Variants in CADM1 observed in about 807,000 individuals in gnomAD.
CADM1 encodes cell adhesion molecule 1.
In CADM1, 15 loss-of-function variants were observed where a neutral mutation model predicts 53.1. The ratio of observed to expected loss-of-function variants is 0.28; its 90% CI spans 0.19 to 0.44. The LOEUF (loss-of-function observed/expected upper bound fraction) is 0.44, where lower values mean the gene tolerates loss of function less well. CADM1 is among the 20% of genes least tolerant of loss of function. The pLI is 1.00. For missense variants in CADM1, 434 were observed against 611.3 expected, an observed-to-expected ratio of 0.71 and a Z score of 3.06; for synonymous variants, 281 against 243.0, an observed-to-expected ratio of 1.16 and a Z score of -1.45.
intron 1 of CADM1, among the ~76,000 whole-genome samples, chr11:115,418,592 T>C (rs1386012352): frequency 6.6e-6 from 1 of 152,222 alleles, no homozygotes; most frequent in African/African-American, 2.4e-5. Context: ...AGTGTAACAC[T>C]TTAAACTGTT....
chr11:115,304,643 T>C (rs777754540), intron 1 of CADM1, among the ~76,000 whole-genome samples: 3 of 152,002 alleles, frequency 2.0e-5, no homozygotes, highest in Non-Finnish European at 4.4e-5. Flanking sequence ...CATCTTAGAA[T>C]TATCAAAGCA....
intron 1 of CADM1, among the ~76,000 whole-genome samples, chr11:115,404,346 A>AAAAT (rs1947251974): frequency 8.9e-5 from 3 of 33,782 alleles, no homozygotes; most frequent in African/African-American, 2.7e-4. Flanking sequence ...AAAAAAAAAA[A>AAAAT]ATATATATAT....
At chr11:115,375,225 C>A (rs1313222333) in intron 1 of CADM1, among the ~76,000 whole-genome samples, 1 of 152,108 alleles carries the variant, frequency 6.6e-6, no homozygotes, top group Non-Finnish European at 1.5e-5. Context: ...ACTATGCCCT[C>A]TGCTTTTGTG....
intron 10 of CADM1, 151 bp downstream of exon 10, chr11:115,190,737 G>A (rs774096716): frequency 1.1e-4 from 62 of 581,248 alleles, no homozygotes; most frequent in South Asian, 1.9e-4. Context: ...GTGGGTGACC[G>A]GGGAGGAAGA....
In CADM1 at chr11:115,174,266, ATT is replaced by A. The variant is rs10565366; in HGVS notation, c.*2206_*2207del. On this transcript the variant is annotated 3_prime_UTR_variant, in exon 12 of 12. Coordinates refer to ENST00000331581, the MANE Select transcript of CADM1 (RefSeq NM_001301043.2). ...TGCCAATTCTGTGAGCAATGGTGTGATTTTTTTTTTTTGTTTTTGTTTTTGTT... is the reference window on the plus strand; with the variant it reads ...TGCCAATTCTGTGAGCAATGGTGTGATTTTTTTTTTGTTTTTGTTTTTGTT... The A allele has an allele frequency of 5.5e-4, 501 of 903,388 alleles. No individual in the cohort carries two copies. Among genetic ancestry groups the A allele is most frequent in the African/African-American group, 1.5e-3 (83 of 53,872 alleles). The allele number at this position is 903,388 out of a possible 1,614,324, so 56.0% of individuals were successfully genotyped here.
intron 1 of CADM1, among the ~76,000 whole-genome samples, chr11:115,457,063 C>A (rs1335887815): frequency 6.6e-6 from 1 of 152,148 alleles, no homozygotes; most frequent in African/African-American, 2.4e-5. Context: ...TGAGTGCCTA[C>A]TAATTGCCAG....
chr11:115,470,006 C>T (rs1029303572), intron 1 of CADM1, among the ~76,000 whole-genome samples: 2 of 152,110 alleles, frequency 1.3e-5, no homozygotes, highest in Admixed American at 1.3e-4. Context: ...GCTTCCATGA[C>T]CTTGGTCATT....
At chr11:115,487,987 G>A (rs1452347382) in intron 1 of CADM1, among the ~76,000 whole-genome samples, 1 of 150,622 alleles carries the variant, frequency 6.6e-6, no homozygotes, top group African/African-American at 2.4e-5. Context: ...ATGATGGAAA[G>A]AAAGGTTAAT....
chr11:115,469,643 T>TA (rs1437867856), intron 1 of CADM1, among the ~76,000 whole-genome samples: 2 of 148,912 alleles, frequency 1.3e-5, no homozygotes, highest in Admixed American at 6.7e-5. Context: ...AACTTTTACA[T>TA]AACCATACTA....
At chr11:115,239,404 A>G (rs752397966) in intron 2 of CADM1, among the ~76,000 whole-genome samples, 5 of 152,212 alleles carry the variant, frequency 3.3e-5, no homozygotes, top group Non-Finnish European at 7.3e-5. Context: ...TTAAGCATTA[A>G]GCAGGAAATC....
intron 1 of CADM1, among the ~76,000 whole-genome samples, chr11:115,268,442 T>A (rs995945585): frequency 2.0e-5 from 3 of 152,136 alleles, no homozygotes; most frequent in Non-Finnish European, 4.4e-5. Flanking sequence ...AATCTCTATC[T>A]GCACTCTTCA....
intron 1 of CADM1, 41 bp from the exon 2 acceptor site, chr11:115,240,461 C>T (rs1565318814): frequency 6.2e-7 from 1 of 1,607,268 alleles, no homozygotes; most frequent in South Asian, 1.1e-5. Context: ...AAATTTCCAT[C>T]AATTAAAATG....
At position 115,328,678 on chromosome 11, in the gene CADM1, GTGTATATATATGTGTATATATA is replaced by G. The variant is rs1457251007; in HGVS notation, c.125-88280_125-88259del. ...ATACACACGCACACTATATATATAT[GTGTATATATATGTGTATATATA>G]TGTATATATATATGTGTATATATAT... On this transcript the variant is annotated intron_variant, in intron 1 of 11. Coordinates refer to ENST00000331581, the MANE Select transcript of CADM1 (RefSeq NM_001301043.2). 1.6e-4 allele frequency among the ~76,000 whole-genome samples: 3 copies of G among 19,146 alleles called. 1 individual carries two copies. The highest frequency in any genetic ancestry group is 3.6e-4 in the Non-Finnish European group (3 of 8,382). The allele number at this position is 19,146 out of a possible 152,430, so 12.6% of individuals were successfully genotyped here. A position where few individuals can be genotyped will look rare whatever the true frequency, so the allele number is the denominator to read the frequency against.
chr11:115,441,922 T>C (rs937594847), intron 1 of CADM1, among the ~76,000 whole-genome samples: 2 of 151,980 alleles, frequency 1.3e-5, no homozygotes, highest in East Asian at 3.9e-4. Context: ...ATGAGAACAA[T>C]ACACATTCAA....
rs532515803 is a variant in CADM1 at position 115,371,584 on chromosome 11, A to G, written c.125-131164T>C. Among the ~76,000 whole-genome samples, 3 of 152,288 alleles carry G rather than the reference A, an allele frequency of 2.0e-5. No individual in the cohort carries two copies. In the Middle Eastern group the frequency reaches 0.01, roughly 522 times the overall value. On this transcript the variant is annotated intron_variant, in intron 1 of 11. Coordinates refer to ENST00000331581, the MANE Select transcript of CADM1 (RefSeq NM_001301043.2). ...AAAAATTAATCATGGGAGTAAGAAC[A>G]TTAAAAGTAAATGATCTAAACACGC... is the stretch of plus-strand genomic sequence containing the variant.
At chr11:115,202,206 T>C (rs1304104028) in intron 8 of CADM1, among the ~76,000 whole-genome samples, 1 of 151,468 alleles carries the variant, frequency 6.6e-6, no homozygotes, top group Non-Finnish European at 1.5e-5. Flanking sequence ...AAAATAATAC[T>C]GCAGGAGAGG....
At chr11:115,377,428 A>T (rs763417992) in intron 1 of CADM1, 1 of 152,216 alleles carries the variant, frequency 6.6e-6, no homozygotes, top group Non-Finnish European at 1.5e-5. Context: ...TACAGCAAGT[A>T]TGCATCTTTT....
chr11:115,187,472 A>G lies in CADM1; in HGVS notation c.1165+3416T>C, dbSNP rs141570280. On this transcript the variant is annotated intron_variant, in intron 10 of 11. Transcript: ENST00000331581. ...GAGATGGAGTCTCTTTCTGTTGCCC[A>G]GGCTGGAGTACAGCGGCGTCATCTC... Among the ~76,000 whole-genome samples the G allele has an allele frequency of 3.6e-3, 541 of 152,320 alleles. 4 individuals carry two copies. Among genetic ancestry groups the G allele is most frequent in the African/African-American group, 0.013 (520 of 41,562 alleles).
intron 1 of CADM1, chr11:115,396,928 G>A (rs1241871031): frequency 6.6e-6 from 1 of 151,710 alleles, no homozygotes; most frequent in East Asian, 1.9e-4. Context: ...AATGTACTGT[G>A]CTGTATTTAA....
Sources: gnomAD v4.1 joint callset for allele counts (sites outside exome capture counted in the v4.1 genomes callset) on GRCh38, gnomAD v4.1.1 for gene constraint, MANE v1.5 for transcripts, NCBI Gene and HGNC (gene_info 2026-07-23, HGNC 2026-07-21) for gene names.